Variants in SHFL observed in about 807,000 individuals in gnomAD.
SHFL encodes the protein shiftless antiviral inhibitor of ribosomal frameshifting protein.
A neutral mutation model predicts 34.7 loss-of-function variants in SHFL; 12 were observed. The observed-to-expected ratio is 0.35, with a 90% CI of 0.22 to 0.56. The LOEUF (loss-of-function observed/expected upper bound fraction) is 0.56. Ranked by LOEUF, SHFL falls within the 20% of genes least tolerant of loss-of-function variation. The probability of loss-of-function intolerance (pLI) is 0.88; values close to 1 mark genes in which losing one functional copy is unlikely to be tolerated. For synonymous variants in SHFL, 148 were observed against 156.0 expected (o/e 0.95, Z 0.38); for missense variants, 278 against 411.1 (o/e 0.68, Z 2.80).
chr19:10,088,647 A>T (rs2088330011), intron 3 of SHFL, among the ~76,000 whole-genome samples: 2 of 151,932 alleles, frequency 1.3e-5, no homozygotes, highest in South Asian at 4.2e-4. Flanking sequence ...AAAGTATGAT[A>T]AAAATGATAG....
At chr19:10,089,820 G>T (rs932011454) in intron 4 of SHFL, 78 bp from the exon 5 acceptor site, 3 of 1,569,072 alleles carry the variant, frequency 1.9e-6, no homozygotes, top group African/African-American at 1.4e-5. Flanking sequence ...CGTCTGTAGG[G>T]AGAGGAGGGC....
chr19:10,093,190 G>A lies in SHFL; in HGVS notation c.*888G>A. On this transcript the variant is annotated 3_prime_UTR_variant, in exon 8 of 8. Transcript: ENST00000253110. ...TCTGGACTCCCCATCCCCCCACCAG[G>A]ATAAAAGTCCTGACCTTTGTTCTCT... 3 of 1,011,926 alleles carry A rather than the reference G, an allele frequency of 3.0e-6. No homozygotes were observed. Among genetic ancestry groups the A allele is most frequent in the Non-Finnish European group, 4.3e-6 (3 of 691,832 alleles). 62.7% of individuals were successfully genotyped at this position (1,011,926 alleles called of 1,614,324 possible). A position where few individuals can be genotyped will look rare whatever the true frequency, so the allele number is the denominator to read the frequency against.
At position 10,089,820 on chromosome 19, in the gene SHFL, G is replaced by A. The variant is rs932011454; in HGVS notation, c.235-78G>A. On this transcript the variant is annotated intron_variant, in intron 4 of 7. Coordinates refer to ENST00000253110, the MANE Select transcript of SHFL (RefSeq NM_018381.4). ...GGCAGGAAGAGGACTCGTCTGTAGG[G>A]AGAGGAGGGCTGATGCTTATGTTGG... is the stretch of plus-strand genomic sequence containing the variant. The A allele has an allele frequency of 3.8e-6, 6 of 1,569,072 alleles. No homozygotes were observed. In the African/African-American group the frequency reaches 6.8e-5, roughly 18 times the overall value.
In SHFL at chr19:10,086,843, C is replaced by T. The variant is rs2145150315; in HGVS notation, c.22-86C>T. ...GGAGGCCAAAACCAAGGGTCAAGTT[C>T]GGGCCGGGAGAACGGTGCCTAGAGA... is the stretch of plus-strand genomic sequence containing the variant. On this transcript the variant is annotated intron_variant, in intron 1 of 7. Transcript: ENST00000253110. The surrounding 1 kb of genome is among the most constrained non-coding windows in gnomAD (Gnocchi z 5.2). 3.4e-6 allele frequency: 5 copies of T among 1,488,544 alleles called. No individual in the cohort carries two copies. The highest frequency in any genetic ancestry group is 4.6e-6 in the Non-Finnish European group (5 of 1,093,608). The allele number at this position is 1,488,544 out of a possible 1,614,324, so 92.2% of individuals were successfully genotyped here. A position where few individuals can be genotyped will look rare whatever the true frequency, so the allele number is the denominator to read the frequency against.
At position 10,091,856 on chromosome 19, in the gene SHFL, GGTTTGGGGCCCCT is replaced by G; in HGVS notation, c.644-209_644-197del. The G allele has an allele frequency of 1.1e-6, 1 of 897,164 alleles. No individual in the cohort carries two copies. Among genetic ancestry groups the G allele is most frequent in the Non-Finnish European group, 1.6e-6 (1 of 611,300 alleles). The allele number at this position is 897,164 out of a possible 1,614,324, so 55.6% of individuals were successfully genotyped here. ...ATGGCCTCTGCCCCCATGGTCTCTGGGTTTGGGGCCCCTGTTTTGTCCCCTGTAATCTCAGGTG... is the reference window on the plus strand; with the variant it reads ...ATGGCCTCTGCCCCCATGGTCTCTGGGTTTTGTCCCCTGTAATCTCAGGTG... On this transcript the variant is annotated intron_variant, in intron 7 of 7. Transcript: ENST00000253110. This position sits in a 1 kb window ranked among gnomAD's most constrained non-coding sequence, Gnocchi z 8.2.
intron 2 of SHFL, 54 bp from the exon 3 acceptor site, chr19:10,087,197 G>T: frequency 6.2e-7 from 1 of 1,610,674 alleles, no homozygotes; most frequent in Non-Finnish European, 8.5e-7. Context: ...GGGTGGCCTG[G>T]AACTCCCACA....
In SHFL at chr19:10,092,602, G is replaced by A. The variant is rs2088415788; in HGVS notation, c.*300G>A. The A allele has an allele frequency of 6.2e-7, 1 of 1,606,788 alleles. No homozygotes were observed. Among genetic ancestry groups the A allele is most frequent in the African/African-American group, 1.3e-5 (1 of 74,800 alleles). ...AGGAACACAGAGTCACAGCTTCAGG[G>A]GCCGAATGAGCATGGCGGCCTTCCT... On this transcript the variant is annotated 3_prime_UTR_variant, in exon 8 of 8. Coordinates refer to ENST00000253110, the MANE Select transcript of SHFL (RefSeq NM_018381.4).
chr19:10,089,850 G>A, intron 4 of SHFL, 48 bp from the exon 5 acceptor site: 1 of 1,596,684 alleles, frequency 6.3e-7, no homozygotes, highest in Non-Finnish European at 8.5e-7. Flanking sequence ...TGTTGGTGCA[G>A]AAGGGGTGAC....
chr19:10,091,099 A>G lies in SHFL; in HGVS notation c.385-151A>G, dbSNP rs2088377355. ...GGTGTAAATATTCCCACCATGGTCA[A>G]TATCAGGCTACCCACGTGAAGTCAC... On this transcript the variant is annotated intron_variant, in intron 5 of 7. Transcript: ENST00000253110. The surrounding 1 kb of genome is among the most constrained non-coding windows in gnomAD (Gnocchi z 8.2). The G allele has an allele frequency of 4.8e-6, 3 of 629,252 alleles. No homozygotes were observed. The highest frequency in any genetic ancestry group is 8.6e-6 in the Non-Finnish European group (3 of 348,012). 39.0% of individuals were successfully genotyped at this position (629,252 alleles called of 1,614,324 possible). A position where few individuals can be genotyped will look rare whatever the true frequency, so the allele number is the denominator to read the frequency against.
chr19:10,087,387 C>T, intron 3 of SHFL, 87 bp downstream of exon 3: 1 of 1,414,710 alleles, frequency 7.1e-7, no homozygotes, highest in South Asian at 1.2e-5. Flanking sequence ...TGACTGACCC[C>T]CCTCTGAAAC....
chr19:10,091,955 C>G lies in SHFL; in HGVS notation c.644-115C>G. ...CCCCTGAATGTCCAGTTGTGCTGGT[C>G]CCCGTATCTGGTGGTCTCAGCTCCT... On this transcript the variant is annotated intron_variant, in intron 7 of 7. Transcript: ENST00000253110. This position sits in a 1 kb window ranked among gnomAD's most constrained non-coding sequence, Gnocchi z 8.2. The G allele has an allele frequency of 7.8e-7, 1 of 1,279,894 alleles. No individual in the cohort carries two copies. The highest frequency in any genetic ancestry group is 1.3e-5 in the South Asian group (1 of 79,070). 79.3% of individuals were successfully genotyped at this position (1,279,894 alleles called of 1,614,324 possible). A position where few individuals can be genotyped will look rare whatever the true frequency, so the allele number is the denominator to read the frequency against.
At chr19:10,089,369 C>T in intron 3 of SHFL, 1 of 1,598,624 alleles carries the variant, frequency 6.3e-7, no homozygotes, top group Non-Finnish European at 8.5e-7. Flanking sequence ...GTGGCATTTG[C>T]AGGCAGGAAG....
chr19:10,087,819 T>TTGAATGAATGAA (rs61613120), intron 3 of SHFL: 86 of 155,360 alleles, frequency 5.5e-4, no homozygotes, highest in Admixed American at 2.1e-3. Context: ...AACCCTTGTG[T>TTGAATGAATGAA]TGAATGAATG....
Position 10,089,963 on chromosome 19 carries a change from C to G in SHFL, c.300C>G (p.Asp100Glu), listed in dbSNP as rs567222699. ...TACGCATGTTTCAACGTGCCCAGGA[C>G]GACCTTATCCCTGCTGTGGACCGGC... ...ANLRMFQRAQDDLIPAVDRQF... is the reference protein window; with the variant it reads ...ANLRMFQRAQEDLIPAVDRQF... The change falls in exon 5 of 8, where the codon GAC (aspartate) becomes GAG (glutamate). Residue 100 changes from aspartate to glutamate, a missense_variant. Transcript: ENST00000253110. 1 of 1,611,466 alleles carries G rather than the reference C, an allele frequency of 6.2e-7. No homozygotes were observed.
chr19:10,092,462 C>T lies in SHFL; in HGVS notation c.*160C>T. On this transcript the variant is annotated 3_prime_UTR_variant, in exon 8 of 8. Transcript: ENST00000253110. ...GGGTCCCATTTTCAGCGCCCAGGGTCACAGATCCACAGTGGGAAGTTCTGT... is the reference window on the plus strand; with the variant it reads ...GGGTCCCATTTTCAGCGCCCAGGGTTACAGATCCACAGTGGGAAGTTCTGT... The T allele has an allele frequency of 6.6e-7, 1 of 1,516,988 alleles. No homozygotes were observed. The highest frequency in any genetic ancestry group is 8.9e-7 in the Non-Finnish European group (1 of 1,126,184). 94.0% of individuals were successfully genotyped at this position (1,516,988 alleles called of 1,614,324 possible). A position where few individuals can be genotyped will look rare whatever the true frequency, so the allele number is the denominator to read the frequency against.
intron 5 of SHFL, among the ~76,000 whole-genome samples, chr19:10,090,822 C>A (rs548311495): frequency 6.6e-6 from 1 of 151,410 alleles, no homozygotes; most frequent in African/African-American, 2.4e-5. Flanking sequence ...GTGGGAGGAT[C>A]GTTTGAGCCT....
In SHFL at chr19:10,092,864, TC is replaced by T; in HGVS notation, c.*566del. 8.8e-7 allele frequency: 1 copy of T among 1,135,532 alleles called. No homozygotes were observed. The highest frequency in any genetic ancestry group is 1.2e-6 in the Non-Finnish European group (1 of 826,012). 70.3% of individuals were successfully genotyped at this position (1,135,532 alleles called of 1,614,324 possible). A position where few individuals can be genotyped will look rare whatever the true frequency, so the allele number is the denominator to read the frequency against. ...CACAGTGCAAGGCTTTTGCCAGGCATCCCCTGGCCCCTCCCATTCTTATTGA... is the reference window on the plus strand; with the variant it reads ...CACAGTGCAAGGCTTTTGCCAGGCATCCCTGGCCCCTCCCATTCTTATTGA... On this transcript the variant is annotated 3_prime_UTR_variant, in exon 8 of 8. Transcript: ENST00000253110.
Position 10,091,729 on chromosome 19 carries a change from G to T in SHFL, c.643+99G>T. On this transcript the variant is annotated intron_variant, in intron 7 of 7. Coordinates refer to ENST00000253110, the MANE Select transcript of SHFL (RefSeq NM_018381.4). The surrounding 1 kb of genome is among the most constrained non-coding windows in gnomAD (Gnocchi z 8.2). The stretch of plus-strand genomic sequence containing the variant: ...TCAGTCCACTTTGTCTCCCACAGCA[G>T]CAGCCACTGCTTCCACATGGCCTCC... 7.1e-7 allele frequency: 1 copy of T among 1,415,832 alleles called. No homozygotes were observed. The allele number at this position is 1,415,832 out of a possible 1,614,324, so 87.7% of individuals were successfully genotyped here.
rs761901455 is a variant in SHFL at position 10,089,401 on chromosome 19, CCTCA to C, written c.196-251_196-248del. On this transcript the variant is annotated intron_variant, in intron 3 of 7. Coordinates refer to ENST00000253110, the MANE Select transcript of SHFL (RefSeq NM_018381.4). ...GAAGTGAGTATGGGGGTCAGGCTAGCCTCACTCAGGCAAGCCCTCCCCTAAGCCT... is the reference window on the plus strand; with the variant it reads ...GAAGTGAGTATGGGGGTCAGGCTAGCCTCAGGCAAGCCCTCCCCTAAGCCT... 82 of 1,597,964 alleles carry C rather than the reference CCTCA, an allele frequency of 5.1e-5. No homozygotes were observed. In the East Asian group the frequency reaches 1.0e-3, roughly 20 times the overall value.
Sources: gnomAD v4.1 joint callset for allele counts (sites outside exome capture counted in the v4.1 genomes callset) on GRCh38, gnomAD v4.1.1 for gene constraint, Gnocchi (gnomAD v3.1) non-coding constraint, MANE v1.5 for transcripts, NCBI Gene and HGNC (gene_info 2026-07-23, HGNC 2026-07-21) for gene names.